Variants in CSMD3 observed in about 807,000 individuals in gnomAD.
CSMD3 encodes CUB and Sushi multiple domains 3.
Under a neutral mutation model 435.2 loss-of-function variants are expected in CSMD3, and 177 were observed. The observed-to-expected ratio is 0.41, with a 90% CI of 0.36 to 0.46. The LOEUF is 0.46. CSMD3 is among the 20% of genes least tolerant of loss of function. The probability of loss-of-function intolerance (pLI) is 0.34; values close to 1 mark genes in which losing one functional copy is unlikely to be tolerated. For synonymous variants in CSMD3, 1,656 were observed against 1,520.5 expected (o/e 1.09, Z -2.07); for missense variants, 4,265 against 4,504.6 (o/e 0.95, Z 1.52).
intron 32 of CSMD3, among the ~76,000 whole-genome samples, chr8:112,425,055 C>G (rs1025225814): frequency 6.6e-6 from 1 of 152,190 alleles, no homozygotes; most frequent in Non-Finnish European, 1.5e-5. Context: ...GAATAAGTAA[C>G]TACATTTTAC....
intron 25 of CSMD3, among the ~76,000 whole-genome samples, chr8:112,555,556 T>C (rs1828040818): frequency 6.6e-6 from 1 of 151,948 alleles, no homozygotes; most frequent in Admixed American, 6.6e-5. Context: ...ACCCTCACAA[T>C]CTCTCCAAAA....
At chr8:112,466,294 AG>A (rs1817951063) in intron 32 of CSMD3, among the ~76,000 whole-genome samples, 1 of 152,202 alleles carries the variant, frequency 6.6e-6, no homozygotes, top group Non-Finnish European at 1.5e-5. Flanking sequence ...AGCAAACAAA[AG>A]TAATCTAAAA....
intron 5 of CSMD3, among the ~76,000 whole-genome samples, chr8:113,043,272 G>A (rs535758198): frequency 3.9e-5 from 6 of 152,176 alleles, no homozygotes; most frequent in South Asian, 4.1e-4. Context: ...TTCTTGCTAC[G>A]AAATCTTGCA....
At chr8:113,317,120 G>A (rs943623338) in intron 1 of CSMD3, among the ~76,000 whole-genome samples, 1 of 152,038 alleles carries the variant, frequency 6.6e-6, no homozygotes, top group East Asian at 1.9e-4. Flanking sequence ...ATCAATATTT[G>A]TGTATATTCA....
chr8:113,338,746 A>T (rs1213597127), intron 1 of CSMD3, among the ~76,000 whole-genome samples: 3 of 151,892 alleles, frequency 2.0e-5, no homozygotes, highest in Non-Finnish European at 4.4e-5. Flanking sequence ...GGTAGGATGG[A>T]GTGTGATTGA....
intron 1 of CSMD3, among the ~76,000 whole-genome samples, chr8:113,410,302 C>T (rs939392489): frequency 7.2e-5 from 11 of 152,198 alleles, no homozygotes; most frequent in Non-Finnish European, 2.9e-5. Context: ...TCTACCTTTT[C>T]TTATCACCTA....
At chr8:112,691,519 T>G (rs186255443) in intron 13 of CSMD3, among the ~76,000 whole-genome samples, 1 of 152,124 alleles carries the variant, frequency 6.6e-6, no homozygotes, top group South Asian at 2.1e-4. Context: ...TTTTTTCTTT[T>G]GCTTGTTTCT....
intron 27 of CSMD3, among the ~76,000 whole-genome samples, chr8:112,545,686 G>T (rs2131163284): frequency 6.6e-6 from 1 of 151,966 alleles, no homozygotes; most frequent in Non-Finnish European, 1.5e-5. Context: ...AGTTATTATG[G>T]CAAAAACCAC....
intron 24 of CSMD3, among the ~76,000 whole-genome samples, chr8:112,559,836 A>T (rs1222864605): frequency 6.6e-6 from 1 of 151,886 alleles, no homozygotes; most frequent in Non-Finnish European, 1.5e-5. Flanking sequence ...ACCAAGGACA[A>T]TTAGGTGAAA....
chr8:112,869,551 TA>T (rs1192404608), intron 10 of CSMD3, among the ~76,000 whole-genome samples: 1 of 152,210 alleles, frequency 6.6e-6, no homozygotes, highest in African/African-American at 2.4e-5. Flanking sequence ...CAAAGGATTA[TA>T]AATCATCCTA....
chr8:112,240,798 T>C (rs1586499036), intron 66 of CSMD3, among the ~76,000 whole-genome samples: 3 of 152,226 alleles, frequency 2.0e-5, no homozygotes, highest in Middle Eastern at 3.4e-3. Flanking sequence ...AATTGAATCA[T>C]GGATACTGTT....
At chr8:112,807,191 C>G (rs1233604160) in intron 12 of CSMD3, among the ~76,000 whole-genome samples, 16 of 152,180 alleles carry the variant, frequency 1.1e-4, no homozygotes, top group Admixed American at 1.0e-3. Flanking sequence ...ACCCTTGTGA[C>G]TCTGCCGTCT....
At chr8:113,088,978 T>C (rs1415547611) in intron 5 of CSMD3, among the ~76,000 whole-genome samples, 2 of 152,134 alleles carry the variant, frequency 1.3e-5, no homozygotes, top group Non-Finnish European at 2.9e-5. Flanking sequence ...TAAACACATA[T>C]TTTTCTTCAA....
In CSMD3 at chr8:112,418,247, C is replaced by T. The variant is rs542855476; in HGVS notation, c.5396-9215G>A. The stretch of plus-strand genomic sequence containing the variant: ...GCTACTTTTATGTGAATTTCTGACT[C>T]GTATTTTCTTTTTTATTATTATTAT... On this transcript the variant is annotated intron_variant, in intron 32 of 70. Transcript: ENST00000297405. 3.3e-5 allele frequency among the ~76,000 whole-genome samples: 5 copies of T among 152,098 alleles called. No homozygotes were observed. In the East Asian group the frequency reaches 5.8e-4, roughly 18 times the overall value.
At chr8:113,306,118 T>C (rs2093818751) in intron 2 of CSMD3, among the ~76,000 whole-genome samples, 1 of 152,148 alleles carries the variant, frequency 6.6e-6, no homozygotes, top group Non-Finnish European at 1.5e-5. Flanking sequence ...AACTCTAGTA[T>C]TGCTTTTCTT....
intron 32 of CSMD3, among the ~76,000 whole-genome samples, chr8:112,455,071 C>G (rs1182228026): frequency 6.6e-6 from 1 of 151,368 alleles, no homozygotes; most frequent in African/African-American, 2.4e-5. Context: ...TACCATTTGA[C>G]CCAGGAATCC....
At chr8:112,824,210 T>C (rs181382264) in intron 12 of CSMD3, among the ~76,000 whole-genome samples, 1 of 152,128 alleles carries the variant, frequency 6.6e-6, no homozygotes, top group East Asian at 1.9e-4. Flanking sequence ...GCACATAAGA[T>C]GGGTCTCCTG....
intron 3 of CSMD3, 71 bp downstream of exon 3, chr8:113,278,521 T>C (rs1006098470): frequency 1.3e-6 from 1 of 763,440 alleles, no homozygotes; most frequent in Middle Eastern, 2.3e-4. Context: ...TGTTGATTCT[T>C]CTTTCCTACT....
chr8:112,696,339 A>G (rs1361132514), intron 13 of CSMD3, among the ~76,000 whole-genome samples: 2 of 152,226 alleles, frequency 1.3e-5, no homozygotes. Flanking sequence ...ACAAGGCTAC[A>G]GTAACCAAAA....
Sources: gnomAD v4.1 joint callset for allele counts (sites outside exome capture counted in the v4.1 genomes callset) on GRCh38, gnomAD v4.1.1 for gene constraint, MANE v1.5 for transcripts, NCBI Gene and HGNC (gene_info 2026-07-23, HGNC 2026-07-21) for gene names.